Variants in FGF12 observed in about 807,000 individuals in gnomAD.
FGF12 encodes the protein fibroblast growth factor 12B.
In FGF12, 14 loss-of-function variants were observed where a neutral mutation model predicts 23.6. That is an observed-to-expected ratio of 0.59 (90% CI 0.39 to 0.93). The LOEUF (loss-of-function observed/expected upper bound fraction) is 0.93. Among genes scored for constraint, FGF12 ranks in the 40% least tolerant of loss-of-function variants. The pLI, the probability that FGF12 is intolerant of heterozygous loss-of-function variation, is 0.00. For synonymous variants in FGF12, 62 were observed against 77.3 expected (o/e 0.80, Z 1.04); for missense variants, 175 against 217.8 (o/e 0.80, Z 1.24).
intron 2 of FGF12, among the ~76,000 whole-genome samples, chr3:192,690,744 CAA>C (rs1717918559): frequency 6.6e-6 from 1 of 151,838 alleles, no homozygotes; most frequent in Non-Finnish European, 1.5e-5. Context: ...ATTTGTCAAT[CAA>C]AAGACATAGA....
chr3:192,316,238 T>C (rs953414320), intron 4 of FGF12, among the ~76,000 whole-genome samples: 2 of 152,106 alleles, frequency 1.3e-5, no homozygotes, highest in African/African-American at 2.4e-5. Flanking sequence ...CTGTCCTCCC[T>C]CTGCTAAAAC....
At position 192,606,058 on chromosome 3, in the gene FGF12, A is replaced by T. The variant is rs115123745; in HGVS notation, c.13+121123T>A. On this transcript the variant is annotated intron_variant, in intron 2 of 5. Coordinates refer to ENST00000445105, the MANE Select transcript of FGF12 (RefSeq NM_004113.6). ...GGAAATAAATTATTCTACCAAAAAG[A>T]CCCATGCACTCATATATGTTCATCA... Among the ~76,000 whole-genome samples the T allele has an allele frequency of 1.9e-3, 291 of 152,296 alleles. 2 individuals are homozygous for T. The highest frequency in any genetic ancestry group is 6.7e-3 in the African/African-American group (278 of 41,552).
At chr3:192,427,626 G>T (rs953676407) in intron 2 of FGF12, among the ~76,000 whole-genome samples, 2 of 152,128 alleles carry the variant, frequency 1.3e-5, no homozygotes, top group African/African-American at 2.4e-5. Context: ...GCAGTAGAGT[G>T]GTTCTCACAT....
At chr3:192,660,165 G>A (rs866442175) in intron 2 of FGF12, among the ~76,000 whole-genome samples, 15 of 150,922 alleles carry the variant, frequency 9.9e-5, no homozygotes, top group African/African-American at 3.4e-4. Flanking sequence ...ATACACCATG[G>A]AATACTATGC....
chr3:192,640,989 T>C (rs1295068031), intron 2 of FGF12, among the ~76,000 whole-genome samples: 1 of 151,754 alleles, frequency 6.6e-6, no homozygotes, highest in African/African-American at 2.4e-5. Flanking sequence ...GTTTGTTTTA[T>C]TTTTTTGTAG....
chr3:192,490,236 C>T (rs766874153), intron 2 of FGF12, among the ~76,000 whole-genome samples: 6 of 151,810 alleles, frequency 4.0e-5, no homozygotes, highest in African/African-American at 4.8e-5. Context: ...AAATTGCTCA[C>T]GATTCTCTGA....
chr3:192,198,661 C>T (rs1245973453), intron 4 of FGF12, among the ~76,000 whole-genome samples: 1 of 152,146 alleles, frequency 6.6e-6, no homozygotes, highest in Admixed American at 6.6e-5. Context: ...AAAAAGCTTA[C>T]AAATCTGATG....
chr3:192,304,483 ATC>A (rs1471770454), intron 4 of FGF12, among the ~76,000 whole-genome samples: 2 of 152,136 alleles, frequency 1.3e-5, no homozygotes, highest in African/African-American at 4.8e-5. Flanking sequence ...TCTACTTTTT[ATC>A]TTATTATCAA....
intron 2 of FGF12, among the ~76,000 whole-genome samples, chr3:192,709,053 C>T (rs1718580008): frequency 1.3e-5 from 2 of 152,142 alleles, no homozygotes; most frequent in African/African-American, 4.8e-5. Context: ...ACATTGTCTG[C>T]CTCTCCAAAA....
At chr3:192,253,505 T>C (rs1484191631) in intron 4 of FGF12, among the ~76,000 whole-genome samples, 2 of 152,110 alleles carry the variant, frequency 1.3e-5, no homozygotes, top group Admixed American at 6.6e-5. Context: ...TAGCTTTAGT[T>C]AACAGTAAGA....
intron 2 of FGF12, among the ~76,000 whole-genome samples, chr3:192,467,877 G>A (rs1723056453): frequency 6.6e-6 from 1 of 152,280 alleles, no homozygotes; most frequent in Non-Finnish European, 1.5e-5. Flanking sequence ...ATCTAGAAGA[G>A]GCTCTAAAAG....
At chr3:192,497,629 A>G (rs1377402302) in intron 2 of FGF12, among the ~76,000 whole-genome samples, 4 of 152,098 alleles carry the variant, frequency 2.6e-5, no homozygotes, top group Non-Finnish European at 5.9e-5. Context: ...AAATATGCCA[A>G]GTTTTTTCCT....
intron 4 of FGF12, among the ~76,000 whole-genome samples, chr3:192,325,271 C>G (rs75831878): frequency 3.3e-5 from 5 of 151,946 alleles, no homozygotes. Flanking sequence ...AATCCTTTTC[C>G]AAGTGCTATA....
At position 192,167,764 on chromosome 3, in the gene FGF12, TA is replaced by T. The variant is rs1560175713; in HGVS notation, c.427+2693del. 7.7e-4 allele frequency among the ~76,000 whole-genome samples: 25 copies of T among 32,382 alleles called. 1 individual carries two copies. The highest frequency in any genetic ancestry group is 1.3e-3 in the African/African-American group (10 of 7,994). 21.2% of individuals were successfully genotyped at this position (32,382 alleles called of 152,430 possible). Reference sequence around the variant, plus strand: ...ATATATATATATATATATATATATATATATAAAATTTTTTTTTTTTTTTTTT... The same window carrying T: ...ATATATATATATATATATATATATATTATAAAATTTTTTTTTTTTTTTTTT... On this transcript the variant is annotated intron_variant, in intron 5 of 5. Coordinates refer to ENST00000445105, the MANE Select transcript of FGF12 (RefSeq NM_004113.6).
chr3:192,669,391 T>C (rs1560188491), intron 2 of FGF12, among the ~76,000 whole-genome samples: 2 of 151,348 alleles, frequency 1.3e-5, no homozygotes, highest in Admixed American at 6.6e-5. Context: ...ATCAAGACCA[T>C]CCTGGCCAAC....
At chr3:192,533,972 G>T (rs1725161773) in intron 2 of FGF12, 1 of 151,250 alleles carries the variant, frequency 6.6e-6, no homozygotes, top group Admixed American at 6.6e-5. Context: ...TTATAAATGT[G>T]AATTTTTATA....
At chr3:192,511,624 G>T (rs1724481015) in intron 2 of FGF12, among the ~76,000 whole-genome samples, 1 of 152,132 alleles carries the variant, frequency 6.6e-6, no homozygotes, top group Admixed American at 6.5e-5. Flanking sequence ...TAATACAAGT[G>T]CCATTTAACC....
At position 192,665,096 on chromosome 3, in the gene FGF12, A is replaced by G. The variant is rs74786555; in HGVS notation, c.13+62085T>C. On this transcript the variant is annotated intron_variant, in intron 2 of 5. Coordinates refer to ENST00000445105, the MANE Select transcript of FGF12 (RefSeq NM_004113.6). ...GGGTAATGAGAAATAAGATTTCTGT[A>G]TTAGAGAGATTGAGCTTTTTATTGA... is the stretch of plus-strand genomic sequence containing the variant. 2.3e-3 allele frequency among the ~76,000 whole-genome samples: 355 copies of G among 152,324 alleles called. 11 individuals are homozygous for G. In the East Asian group the frequency reaches 0.062, roughly 27 times the overall value.
chr3:192,446,458 G>A (rs1204995087), intron 2 of FGF12, among the ~76,000 whole-genome samples: 2 of 152,164 alleles, frequency 1.3e-5, no homozygotes, highest in African/African-American at 4.8e-5. Context: ...TGCTCGTTGA[G>A]CACCAAGTTA....
Sources: allele counts gnomAD v4.1 joint callset (sites outside exome capture counted in the v4.1 genomes callset), GRCh38; gene constraint gnomAD v4.1.1; transcripts MANE v1.5; gene names NCBI Gene and HGNC (gene_info 2026-07-23, HGNC 2026-07-21).